PARD3: variants seen among roughly 807,000 people sequenced by gnomAD.
PARD3 encodes partitioning defective 3 homolog.
A neutral mutation model predicts 155.4 loss-of-function variants in PARD3; 75 were observed. That is an observed-to-expected ratio of 0.48 (90% CI 0.40 to 0.58). The LOEUF (loss-of-function observed/expected upper bound fraction) is 0.58. Among genes scored for constraint, PARD3 ranks in the 20% least tolerant of loss-of-function variants. PARD3 has a pLI of 0.00. For synonymous variants in PARD3, 576 were observed against 610.5 expected (o/e 0.94, Z 0.83); for missense variants, 1,642 against 1,721.7 (o/e 0.95, Z 0.82).
At chr10:34,768,817 A>G (rs940362273) in intron 1 of PARD3, among the ~76,000 whole-genome samples, 1 of 152,328 alleles carries the variant, frequency 6.6e-6, no homozygotes, top group South Asian at 2.1e-4. Context: ...AGCCCTGCAC[A>G]CATGCCACTC....
chr10:34,376,636 C>A (rs1233090395), intron 10 of PARD3, among the ~76,000 whole-genome samples: 1 of 152,182 alleles, frequency 6.6e-6, no homozygotes, highest in Non-Finnish European at 1.5e-5. Flanking sequence ...TACGTTGTCA[C>A]ATGCACAGGA....
At chr10:34,190,541 A>G (rs1278428502) in intron 22 of PARD3, among the ~76,000 whole-genome samples, 1 of 152,190 alleles carries the variant, frequency 6.6e-6, no homozygotes, top group Non-Finnish European at 1.5e-5. Context: ...GAGGTTCTCA[A>G]CAGTTTTTAA....
At chr10:34,533,923 TTCTA>T (rs1398376340) in intron 2 of PARD3, among the ~76,000 whole-genome samples, 1 of 152,146 alleles carries the variant, frequency 6.6e-6, no homozygotes, top group African/African-American at 2.4e-5. Flanking sequence ...TCCTTTGCAA[TTCTA>T]TCTGTTGGCA....
At chr10:34,673,195 A>G (rs1024868617) in intron 2 of PARD3, among the ~76,000 whole-genome samples, 2 of 152,236 alleles carry the variant, frequency 1.3e-5, no homozygotes, top group African/African-American at 4.8e-5. Flanking sequence ...CTTAAAAATA[A>G]CTAAGGAGAA....
chr10:34,299,679 G>C (rs1957062568), intron 20 of PARD3, among the ~76,000 whole-genome samples: 1 of 152,158 alleles, frequency 6.6e-6, no homozygotes, highest in African/African-American at 2.4e-5. Context: ...GACCTGCATG[G>C]ATAAAACTAA....
chr10:34,726,016 A>G (rs1403100444), intron 1 of PARD3, among the ~76,000 whole-genome samples: 3 of 152,210 alleles, frequency 2.0e-5, no homozygotes, highest in Non-Finnish European at 4.4e-5. Flanking sequence ...TTCCAGACTT[A>G]AGGGAGTGTA....
chr10:34,262,438 T>A (rs1285456877), intron 22 of PARD3, among the ~76,000 whole-genome samples: 1 of 152,124 alleles, frequency 6.6e-6, no homozygotes, highest in African/African-American at 2.4e-5. Context: ...CGGATAATTT[T>A]AGTGTTTTTA....
intron 1 of PARD3, among the ~76,000 whole-genome samples, chr10:34,782,006 T>C (rs184657219): frequency 2.0e-5 from 3 of 152,362 alleles, no homozygotes; most frequent in Admixed American, 1.3e-4. Flanking sequence ...TGGCACCTAC[T>C]GAGAAATGCT....
chr10:34,311,827 C>T (rs544175758), intron 20 of PARD3, among the ~76,000 whole-genome samples: 3 of 152,230 alleles, frequency 2.0e-5, no homozygotes, highest in African/African-American at 7.2e-5. Context: ...CCCTTTCAAA[C>T]TGGTCCATCT....
At chr10:34,701,594 C>T (rs934295268) in intron 1 of PARD3, among the ~76,000 whole-genome samples, 3 of 152,024 alleles carry the variant, frequency 2.0e-5, no homozygotes, top group Non-Finnish European at 2.9e-5. Context: ...GTCAGAACAC[C>T]GGAACAAGGA....
intron 22 of PARD3, among the ~76,000 whole-genome samples, chr10:34,195,661 C>T (rs542007747): frequency 5.3e-4 from 80 of 152,146 alleles, no homozygotes; most frequent in South Asian, 3.1e-3. Context: ...TCACATGTTC[C>T]GAGAAGAATG....
intron 19 of PARD3, among the ~76,000 whole-genome samples, chr10:34,326,542 G>C (rs1297665461): frequency 6.6e-6 from 1 of 152,124 alleles, no homozygotes; most frequent in Admixed American, 6.5e-5. Context: ...ACTGTGTTTT[G>C]CTTATGATAA....
At chr10:34,616,943 A>T (rs879674210) in intron 2 of PARD3, among the ~76,000 whole-genome samples, 1 of 151,678 alleles carries the variant, frequency 6.6e-6, no homozygotes, top group Non-Finnish European at 1.5e-5. Flanking sequence ...AAAAAAAAAA[A>T]AAAAAATAAC....
rs1171858071 is a variant in PARD3, at chr10:34,721,286, T to G, written c.121-24867A>C. ...TTCTAAAATTAACAGAATTTTAATA[T>G]TCAAATTAAGTTATTTCCTTCCTGT... On this transcript the variant is annotated intron_variant, in intron 1 of 24. Coordinates refer to ENST00000374788, the MANE Select transcript of PARD3 (RefSeq NM_001184785.2). Among the ~76,000 whole-genome samples, 3 of 152,340 alleles carry G rather than the reference T, an allele frequency of 2.0e-5. No homozygotes were observed. In the East Asian group the frequency reaches 5.8e-4, roughly 29 times the overall value.
At chr10:34,273,420 T>C (rs528472686) in intron 21 of PARD3, among the ~76,000 whole-genome samples, 3 of 152,336 alleles carry the variant, frequency 2.0e-5, no homozygotes, top group South Asian at 2.1e-4. Context: ...ATTTCACTTA[T>C]ATAGCATTCT....
chr10:34,557,688 C>A (rs1022266392), intron 2 of PARD3, among the ~76,000 whole-genome samples: 1 of 152,034 alleles, frequency 6.6e-6, no homozygotes. Flanking sequence ...AAACTCCTGA[C>A]TTCAAGCGAT....
At position 34,382,535 on chromosome 10, in the gene PARD3, C is replaced by G; in HGVS notation, c.1399+5G>C. On this transcript the variant is annotated splice_donor_5th_base_variant and intron_variant, in intron 9 of 24. Coordinates refer to ENST00000374788, the MANE Select transcript of PARD3 (RefSeq NM_001184785.2). ...TCCACAAAACAAAAACAGGATAGGT[C>G]GTACCTTTCTTAAGCTGGATATTAA... The G allele has an allele frequency of 1.9e-6, 3 of 1,610,544 alleles. No individual in the cohort carries two copies. Among genetic ancestry groups the G allele is most frequent in the Middle Eastern group, 2.0e-4 (1 of 4,968 alleles).
At chr10:34,643,001 G>T (rs2092726771) in intron 2 of PARD3, among the ~76,000 whole-genome samples, 1 of 152,154 alleles carries the variant, frequency 6.6e-6, no homozygotes, top group East Asian at 1.9e-4. Flanking sequence ...AAGTGGACTT[G>T]GCCTAAGACC....
intron 22 of PARD3, among the ~76,000 whole-genome samples, chr10:34,145,278 A>T (rs1692705): frequency 0.23 from 31,451 of 134,660 alleles, 4,742 homozygotes; most frequent in Non-Finnish European, 0.32. Context: ...AAAACTTCAC[A>T]ATGCTGTCCT....
Sources: allele counts gnomAD v4.1 joint callset (sites outside exome capture counted in the v4.1 genomes callset), GRCh38; gene constraint gnomAD v4.1.1; transcripts MANE v1.5; gene names NCBI Gene and HGNC (gene_info 2026-07-23, HGNC 2026-07-21).